The following LRP1B variants were observed in gnomAD, a reference collection of about 807,000 sequenced individuals.
LRP1B encodes the protein LDL receptor related protein 1B, also known as low-density lipoprotein receptor-related protein 1B.
In LRP1B, 217 loss-of-function variants were observed where a neutral mutation model predicts 556.6. The observed-to-expected ratio is 0.39, with a 90% CI of 0.35 to 0.44. The LOEUF (loss-of-function observed/expected upper bound fraction) is 0.44. Ranked by LOEUF, LRP1B falls within the 20% of genes least tolerant of loss-of-function variation. LRP1B has a pLI of 1.00. For missense variants in LRP1B, 5,053 were observed against 5,620.8 expected, an observed-to-expected ratio of 0.90 and a Z score of 3.23; for synonymous variants, 2,047 against 1,865.8, an observed-to-expected ratio of 1.10 and a Z score of -2.50.
chr2:141,429,059 A>G (rs1386470780), intron 3 of LRP1B, among the ~76,000 whole-genome samples: 2 of 152,132 alleles, frequency 1.3e-5, no homozygotes, highest in Non-Finnish European at 2.9e-5. Flanking sequence ...CACTCTTACC[A>G]TACAGAAGAA....
intron 60 of LRP1B, among the ~76,000 whole-genome samples, chr2:140,470,675 G>GAAAA (rs1687732746): frequency 8.5e-6 from 1 of 116,994 alleles, no homozygotes; most frequent in Non-Finnish European, 1.9e-5. Context: ...AAAAAAAAAT[G>GAAAA]GCAAAGATTC....
At chr2:141,459,624 T>C (rs1015810661) in intron 3 of LRP1B, among the ~76,000 whole-genome samples, 8 of 152,108 alleles carry the variant, frequency 5.3e-5, no homozygotes, top group African/African-American at 1.9e-4. Context: ...GGGTGGGTCT[T>C]TTCCATGCTA....
At chr2:140,363,490 A>AAAT (rs762527474) in intron 72 of LRP1B, among the ~76,000 whole-genome samples, 56 of 151,618 alleles carry the variant, frequency 3.7e-4, no homozygotes, top group Non-Finnish European at 7.2e-4. Flanking sequence ...TAATTGATAA[A>AAAT]AATAATAGCT....
chr2:140,951,665 GC>G (rs1343629961), intron 19 of LRP1B, among the ~76,000 whole-genome samples, 194 bp downstream of exon 19: 1 of 152,148 alleles, frequency 6.6e-6, no homozygotes, highest in African/African-American at 2.4e-5. Flanking sequence ...CACCCATGGG[GC>G]AAATATTGAG....
At chr2:141,266,114 G>A (rs1684878242) in intron 3 of LRP1B, among the ~76,000 whole-genome samples, 1 of 152,096 alleles carries the variant, frequency 6.6e-6, no homozygotes, top group Admixed American at 6.6e-5. Context: ...CACAAGGTCA[G>A]GAGATCGAGA....
chr2:141,447,561 G>C, intron 3 of LRP1B, among the ~76,000 whole-genome samples: 1 of 152,064 alleles, frequency 6.6e-6, no homozygotes, highest in Admixed American at 6.5e-5. Flanking sequence ...TCTACCTTTG[G>C]TCTTTGATGT....
chr2:140,884,330 T>A (rs528576467), intron 24 of LRP1B, among the ~76,000 whole-genome samples: 31 of 152,300 alleles, frequency 2.0e-4, no homozygotes, highest in African/African-American at 7.5e-4. Flanking sequence ...TGTTCCTGAC[T>A]TTTTTATACA....
intron 3 of LRP1B, among the ~76,000 whole-genome samples, chr2:141,419,878 C>T (rs1041213004): frequency 1.3e-5 from 2 of 151,678 alleles, no homozygotes; most frequent in African/African-American, 4.8e-5. Context: ...AGAAAACATG[C>T]TTGTTATAAT....
chr2:141,819,954 CAG>C (rs1199255882), intron 1 of LRP1B, among the ~76,000 whole-genome samples: 3 of 151,980 alleles, frequency 2.0e-5, no homozygotes, highest in South Asian at 4.1e-4. Flanking sequence ...TTTGCAAAAA[CAG>C]GGGCTAAAAG....
intron 1 of LRP1B, among the ~76,000 whole-genome samples, chr2:141,842,284 G>A (rs1053341737): frequency 6.6e-6 from 1 of 151,894 alleles, no homozygotes; most frequent in Non-Finnish European, 1.5e-5. Flanking sequence ...TAATTTAAAA[G>A]GTAATATAAT....
At chr2:141,135,903 G>T (rs1701480037) in intron 7 of LRP1B, among the ~76,000 whole-genome samples, 1 of 151,838 alleles carries the variant, frequency 6.6e-6, no homozygotes, top group South Asian at 2.1e-4. Flanking sequence ...ATTAAGGCAA[G>T]AAACTTACTC....
intron 3 of LRP1B, among the ~76,000 whole-genome samples, chr2:141,404,271 T>C (rs1416912486): frequency 6.6e-6 from 1 of 152,238 alleles, no homozygotes; most frequent in Non-Finnish European, 1.5e-5. Context: ...TTTATAATTT[T>C]CTTTGATGTG....
rs145548177 is a variant in LRP1B at position 141,742,094 on chromosome 2, T to C, written c.205+68185A>G. The stretch of plus-strand genomic sequence containing the variant: ...TCTTGACACCTTTGTCAAAAATGAG[T>C]TCACTGTAGATGTCTGGATTTATTT... On this transcript the variant is annotated intron_variant, in intron 2 of 90. Coordinates refer to ENST00000389484, the MANE Select transcript of LRP1B (RefSeq NM_018557.3). 1.5e-3 allele frequency among the ~76,000 whole-genome samples: 223 copies of C among 152,264 alleles called. 4 individuals carry two copies. The East Asian group carries it at 0.036, about 25-fold the overall frequency.
chr2:141,336,596 C>T lies in LRP1B; in HGVS notation c.344-81955G>A, dbSNP rs917090085. On this transcript the variant is annotated intron_variant, in intron 3 of 90. Transcript: ENST00000389484. ...AAATTATATTGAAAGTTATGTTTTG[C>T]TATGTAGTTCTATTAATTTTAATAC... Among the ~76,000 whole-genome samples, 4 of 152,008 alleles carry T rather than the reference C, an allele frequency of 2.6e-5. No homozygotes were observed. In the East Asian group the frequency reaches 5.8e-4, roughly 22 times the overall value.
intron 60 of LRP1B, among the ~76,000 whole-genome samples, chr2:140,474,446 A>G (rs1314915024): frequency 2.0e-5 from 3 of 151,878 alleles, no homozygotes; most frequent in Non-Finnish European, 2.9e-5. Context: ...TCTTATTTTA[A>G]GTGATGTTTG....
At chr2:140,349,495 T>C (rs947970341) in intron 77 of LRP1B, among the ~76,000 whole-genome samples, 1 of 151,762 alleles carries the variant, frequency 6.6e-6, no homozygotes, top group Non-Finnish European at 1.5e-5. Context: ...ATAGAATTAA[T>C]GTATATTATT....
chr2:140,949,243 A>T (rs1695633141), intron 20 of LRP1B, among the ~76,000 whole-genome samples: 1 of 152,248 alleles, frequency 6.6e-6, no homozygotes, highest in African/African-American at 2.4e-5. Context: ...AAATGAAATA[A>T]ATAACATCTT....
At chr2:141,474,065 C>A (rs1318916827) in intron 3 of LRP1B, among the ~76,000 whole-genome samples, 1 of 149,604 alleles carries the variant, frequency 6.7e-6, no homozygotes. Context: ...TCCTCCCTCC[C>A]TCCCTTCCTT....
At chr2:140,692,854 T>G (rs189019810) in intron 41 of LRP1B, among the ~76,000 whole-genome samples, 3,502 of 147,384 alleles carry the variant, frequency 0.024, 137 homozygotes, top group African/African-American at 0.081. Flanking sequence ...TTGTGAAATC[T>G]GTTCTTACCC....
Sources: gnomAD v4.1 joint callset for allele counts (sites outside exome capture counted in the v4.1 genomes callset) on GRCh38, gnomAD v4.1.1 for gene constraint, MANE v1.5 for transcripts, NCBI Gene and HGNC (gene_info 2026-07-23, HGNC 2026-07-21) for gene names.